Variants in PDP1 observed in about 807,000 individuals in gnomAD.
PDP1 encodes pyruvate dehydrogenase phosphatase catalytic subunit 1.
In PDP1, 14 loss-of-function variants were observed where a neutral mutation model predicts 37.1. That is an observed-to-expected ratio of 0.38 (90% CI 0.25 to 0.59). PDP1 has a LOEUF of 0.59. Among genes scored for constraint, PDP1 ranks in the 20% least tolerant of loss-of-function variants. The pLI is 0.67. For synonymous variants in PDP1, 251 were observed against 243.3 expected, an observed-to-expected ratio of 1.03 and a Z score of -0.29; for missense variants, 544 against 655.3, an observed-to-expected ratio of 0.83 and a Z score of 1.85.
At position 93,923,385 on chromosome 8, in the gene PDP1, C is replaced by A; in HGVS notation, c.1326C>A (p.His442Gln). 1 of 1,611,182 alleles carries A rather than the reference C, an allele frequency of 6.2e-7. No individual in the cohort carries two copies. The highest frequency in any genetic ancestry group is 8.5e-7 in the Non-Finnish European group (1 of 1,177,940). Residue 442 changes from histidine to glutamine, a missense_variant, in exon 2 of 2, where the codon CAC becomes CAA. This residue lies in a region of PDP1 where 159 missense variants were observed against 165.5 expected (regional missense o/e 0.96). Coordinates refer to ENST00000297598, the MANE Select transcript of PDP1 (RefSeq NM_018444.4). The surrounding 1 kb of genome is among the most constrained non-coding windows in gnomAD (Gnocchi z 4.3). ...GTGAGTACCTAACTGGCATGCATCA[C>A]CAACAGCCAATAGCTGTTGGTGGCT... ...IVGEYLTGMH[H>Q]QQPIAVGGYK...
intron 1 of PDP1, among the ~76,000 whole-genome samples, chr8:93,919,311 T>C (rs1008599267): frequency 2.6e-5 from 4 of 152,190 alleles, no homozygotes; most frequent in African/African-American, 4.8e-5. Flanking sequence ...GTGGATGGCC[T>C]GAGGTCAGGA....
Position 93,922,261 on chromosome 8 carries a change from G to A in PDP1, c.202G>A (p.Gly68Arg), listed in dbSNP as rs374758737. 96 of 1,614,056 alleles carry A rather than the reference G, an allele frequency of 5.9e-5. No homozygotes were observed. Among genetic ancestry groups the A allele is most frequent in the Admixed American group, 2.0e-4 (12 of 60,012 alleles). ...PKENWWQYTQ[G>R]RRYASTPQKF... ...GGAGAACTGGTGGCAGTACACCCAA[G>A]GAAGGAGATATGCTTCCACACCACA... is the stretch of plus-strand genomic sequence containing the variant. The change falls in exon 2 of 2, where the codon GGA (glycine) becomes AGA (arginine). Residue 68 changes from glycine (G) to arginine (R), a missense_variant. By Grantham distance (125) the Gly-to-Arg change is moderately radical (BLOSUM62 -2). Around this residue, in one of 5 missense-constraint regions of PDP1, gnomAD observed 342 missense variants for 414.0 expected, o/e 0.83. Coordinates refer to ENST00000297598, the MANE Select transcript of PDP1 (RefSeq NM_018444.4). The surrounding 1 kb of genome is among the most constrained non-coding windows in gnomAD (Gnocchi z 4.0).
Position 93,924,916 on chromosome 8 carries a change from T to A in PDP1, c.*1243T>A, listed in dbSNP as rs1422399427. On this transcript the variant is annotated 3_prime_UTR_variant, in exon 2 of 2. Coordinates refer to ENST00000297598, the MANE Select transcript of PDP1 (RefSeq NM_018444.4). ...AATTATATTCAGTCCCTTCTAATAC[T>A]GTATCAATGTAAATGAAATAAATAT... is the stretch of plus-strand genomic sequence containing the variant. The A allele has an allele frequency of 6.0e-6, 1 of 167,074 alleles. No individual in the cohort carries two copies. The highest frequency in any genetic ancestry group is 6.5e-5 in the Admixed American group (1 of 15,288). The allele number at this position is 167,074 out of a possible 1,614,324, so 10.3% of individuals were successfully genotyped here. A position where few individuals can be genotyped will look rare whatever the true frequency, so the allele number is the denominator to read the frequency against.
Position 93,922,412 on chromosome 8 carries a change from C to G in PDP1, c.353C>G (p.Pro118Arg). ...SILGFDSNQL[P>R]ANAPIEDRRS... ...CTTGGATTTGACAGCAATCAGCTGC[C>G]TGCAAATGCACCCATTGAGGACCGG... Residue 118 changes from proline (P) to arginine (R), a missense_variant, in exon 2 of 2, where the codon CCT (proline) becomes CGT (arginine). By Grantham distance (103) the Pro-to-Arg change is moderately radical (BLOSUM62 -2). Transcript: ENST00000297598. This position sits in a 1 kb window ranked among gnomAD's most constrained non-coding sequence, Gnocchi z 4.0. 6.2e-7 allele frequency: 1 copy of G among 1,614,142 alleles called. No individual in the cohort carries two copies. The highest frequency in any genetic ancestry group is 8.5e-7 in the Non-Finnish European group (1 of 1,179,954).
rs772686533 is a variant in PDP1 at position 93,917,771 on chromosome 8, C to T, written c.-45+692C>T. 21 of 1,553,228 alleles carry T rather than the reference C, an allele frequency of 1.4e-5. No individual in the cohort carries two copies. The South Asian group carries it at 1.9e-4, about 14-fold the overall frequency. On this transcript the variant is annotated intron_variant, in intron 1 of 1. Coordinates refer to ENST00000297598, the MANE Select transcript of PDP1 (RefSeq NM_018444.4). ...CATTCACCGGGCTGGAGCGAGACCTCGCCCCTCCTCCGCTCCCGCCTCCCC... is the reference window on the plus strand; with the variant it reads ...CATTCACCGGGCTGGAGCGAGACCTTGCCCCTCCTCCGCTCCCGCCTCCCC...
At position 93,923,785 on chromosome 8, in the gene PDP1, C is replaced by CT. The variant is rs1810362336; in HGVS notation, c.*116dup. On this transcript the variant is annotated 3_prime_UTR_variant, in exon 2 of 2. Coordinates refer to ENST00000297598, the MANE Select transcript of PDP1 (RefSeq NM_018444.4). The surrounding 1 kb of genome is among the most constrained non-coding windows in gnomAD (Gnocchi z 4.3). ...CAGTTGGTCATTCTAAGCATTTACC[C>CT]TTTTGATACTCTAGCTAGTCAGGTA... The CT allele has an allele frequency of 1.4e-5, 13 of 924,904 alleles. No individual in the cohort carries two copies. In the East Asian group the frequency reaches 3.3e-4, roughly 24 times the overall value. 57.3% of individuals were successfully genotyped at this position (924,904 alleles called of 1,614,324 possible). A position where few individuals can be genotyped will look rare whatever the true frequency, so the allele number is the denominator to read the frequency against.
At chr8:93,919,375 G>T (rs1810187442) in intron 1 of PDP1, among the ~76,000 whole-genome samples, 1 of 152,226 alleles carries the variant, frequency 6.6e-6, no homozygotes, top group South Asian at 2.1e-4. Context: ...TGAAAATACA[G>T]AATTAGCCGG....
At chr8:93,919,492 T>G (rs980357254) in intron 1 of PDP1, among the ~76,000 whole-genome samples, 5 of 17,860 alleles carry the variant, frequency 2.8e-4, no homozygotes, top group African/African-American at 4.8e-4. Context: ...CCCGCTGCCC[T>G]CCCTCCCCCC....
In PDP1 at chr8:93,922,811, C is replaced by T; in HGVS notation, c.752C>T (p.Ala251Val). 1.2e-6 allele frequency: 2 copies of T among 1,614,130 alleles called. No homozygotes were observed. The highest frequency in any genetic ancestry group is 1.7e-6 in the Non-Finnish European group (2 of 1,180,026). ...CTTGATAATGACATCTCCTTGGAGG[C>T]GCAAGTTGGTGATCCTAATTCTTTT... is the stretch of plus-strand genomic sequence containing the variant. ...KRLDNDISLE[A>V]QVGDPNSFLN... is the part of the protein sequence containing the mutation. Residue 251 changes from alanine to valine, a missense_variant, in exon 2 of 2, where the codon GCG (alanine) becomes GTG (valine). By Grantham distance (64) the Ala-to-Val change is moderately conservative (BLOSUM62 0). Transcript: ENST00000297598. This position sits in a 1 kb window ranked among gnomAD's most constrained non-coding sequence, Gnocchi z 4.0.
Position 93,917,970 on chromosome 8 carries a change from G to A in PDP1, c.-45+891G>A, listed in dbSNP as rs770269394. 3 of 1,613,370 alleles carry A rather than the reference G, an allele frequency of 1.9e-6. No individual in the cohort carries two copies. The African/African-American group carries it at 4.0e-5, about 22-fold the overall frequency. The stretch of plus-strand genomic sequence containing the variant: ...GGTAGGTATTCACTTAACTACCTGC[G>A]TTGGGTACCCAGGAAGGATGGTGAC... On this transcript the variant is annotated intron_variant, in intron 1 of 1. Coordinates refer to ENST00000297598, the MANE Select transcript of PDP1 (RefSeq NM_018444.4).
At chr8:93,917,477 C>G (rs955621760) in intron 1 of PDP1, among the ~76,000 whole-genome samples, 1 of 151,838 alleles carries the variant, frequency 6.6e-6, no homozygotes, top group African/African-American at 2.4e-5. Context: ...CCGGCCGGCC[C>G]CTGTTCGTCT....
At chr8:93,920,288 A>G (rs543042233) in intron 1 of PDP1, among the ~76,000 whole-genome samples, 2 of 152,320 alleles carry the variant, frequency 1.3e-5, no homozygotes, top group South Asian at 2.1e-4. Context: ...TTCTCAAATT[A>G]TTCTTCAAAA....
At chr8:93,921,382 G>A in intron 1 of PDP1, 1 of 962,808 alleles carries the variant, frequency 1.0e-6, no homozygotes, top group Non-Finnish European at 1.2e-6. Context: ...GAGAAATACT[G>A]GAATTTCTTT....
rs1810347624 is a variant in PDP1, at chr8:93,923,451, A to C, written c.1392A>C (p.Glu464Asp). 9 of 1,596,748 alleles carry C rather than the reference A, an allele frequency of 5.6e-6. No individual in the cohort carries two copies. Among genetic ancestry groups the C allele is most frequent in the Non-Finnish European group, 7.7e-6 (9 of 1,169,120 alleles). ...GACAGATGCATGGCCTTTTAACAGA[A>C]AGGAGAACCAAAATGTCCTCGGTAT... ...TLGQMHGLLT[E>D]RRTKMSSVFE... The change falls in exon 2 of 2, where the codon GAA (glutamate) becomes GAC (aspartate). Residue 464 changes from glutamate to aspartate, a missense_variant. Coordinates refer to ENST00000297598, the MANE Select transcript of PDP1 (RefSeq NM_018444.4). This position sits in a 1 kb window ranked among gnomAD's most constrained non-coding sequence, Gnocchi z 4.3.
chr8:93,920,872 C>A, intron 1 of PDP1: 3 of 836,850 alleles, frequency 3.6e-6, no homozygotes, highest in Non-Finnish European at 4.3e-6. Flanking sequence ...GTGTAATGAT[C>A]AAATCAGAGT....
chr8:93,920,060 A>G (rs1052174401), intron 1 of PDP1: 7 of 152,200 alleles, frequency 4.6e-5, no homozygotes, highest in East Asian at 1.9e-4. Flanking sequence ...CTTATTTCCA[A>G]AATTTTAGCC....
chr8:93,922,013 T>G lies in PDP1; in HGVS notation c.-44-3T>G. ...GTGTACATCTGTCTAATTTGCTGTC[T>G]AGGAATCCCAGTCAGAAGTTCCAGC... On this transcript the variant is annotated splice_region_variant and splice_polypyrimidine_tract_variant and intron_variant, in intron 1 of 1. Transcript: ENST00000297598. This position sits in a 1 kb window ranked among gnomAD's most constrained non-coding sequence, Gnocchi z 4.0. The G allele has an allele frequency of 1.3e-6, 2 of 1,578,446 alleles. No homozygotes were observed. Among genetic ancestry groups the G allele is most frequent in the Non-Finnish European group, 1.7e-6 (2 of 1,158,054 alleles).
At chr8:93,919,753 TAC>T (rs1810206858) in intron 1 of PDP1, 1 of 152,176 alleles carries the variant, frequency 6.6e-6, no homozygotes, top group Middle Eastern at 3.4e-3. Context: ...TCATTAAGAT[TAC>T]ATTAGTTTAC....
At chr8:93,920,723 CTTTTTT>C in intron 1 of PDP1, 1 of 780,400 alleles carries the variant, frequency 1.3e-6, no homozygotes, top group Non-Finnish European at 1.5e-6. Context: ...AAGTAAATAC[CTTTTTT>C]TTTTTTTTTT....
Sources: allele counts gnomAD v4.1 joint callset (sites outside exome capture counted in the v4.1 genomes callset), GRCh38; gene constraint gnomAD v4.1.1; regional missense constraint gnomAD v4.1.1; non-coding constraint Gnocchi (gnomAD v3.1); transcripts MANE v1.5; gene names NCBI Gene and HGNC (gene_info 2026-07-23, HGNC 2026-07-21).